PCDHA2: variants seen among roughly 807,000 people sequenced by gnomAD.
PCDHA2 encodes the protein protocadherin alpha 2, also known as protocadherin alpha-2.
PCDHA2 carries 58 observed loss-of-function variants against 66.0 expected under a neutral mutation model. The observed-to-expected ratio is 0.88, with a 90% CI of 0.71 to 1.09. The LOEUF (loss-of-function observed/expected upper bound fraction) is 1.09, where lower values mean the gene tolerates loss of function less well. Among genes scored for constraint, PCDHA2 ranks in the 50% least tolerant of loss-of-function variants. The pLI is 0.00. For synonymous variants in PCDHA2, 634 were observed against 554.0 expected (o/e 1.14, Z -2.03); for missense variants, 1,267 against 1,242.3 (o/e 1.02, Z -0.30).
intron 1 of PCDHA2, chr5:140,966,378 G>A: frequency 2.5e-6 from 1 of 405,124 alleles, no homozygotes; most frequent in African/African-American, 2.1e-5. Flanking sequence ...AGCAGTCCGG[G>A]TTCGCTGTCC....
intron 1 of PCDHA2, among the ~76,000 whole-genome samples, chr5:140,820,412 A>G: frequency 6.6e-6 from 1 of 152,030 alleles, no homozygotes. Flanking sequence ...TTTTAAATGT[A>G]AAAGTATCCA....
intron 1 of PCDHA2, chr5:140,928,375 T>C: frequency 6.2e-7 from 1 of 1,614,184 alleles, no homozygotes. Context: ...GCCATCAGCC[T>C]CTAGCTTGCT....
At chr5:140,890,890 T>C (rs2062844225) in intron 1 of PCDHA2, among the ~76,000 whole-genome samples, 1 of 152,192 alleles carries the variant, frequency 6.6e-6, no homozygotes, top group South Asian at 2.1e-4. Context: ...TCAGGGATTA[T>C]TGTCTTTCCA....
At chr5:140,860,585 A>G (rs782000527) in intron 1 of PCDHA2, 1 of 152,230 alleles carries the variant, frequency 6.6e-6, no homozygotes, top group African/African-American at 2.4e-5. Flanking sequence ...AAGGTATAGG[A>G]AAGGAGTTGG....
intron 1 of PCDHA2, chr5:140,843,091 G>C: frequency 6.3e-7 from 1 of 1,595,616 alleles, no homozygotes; most frequent in Non-Finnish European, 8.6e-7. Context: ...CGGGCCACGT[G>C]GTAGCGAAGG....
At chr5:140,982,617 G>T in intron 3 of PCDHA2, 54 bp downstream of exon 3, 1 of 1,591,926 alleles carries the variant, frequency 6.3e-7, no homozygotes, top group South Asian at 1.1e-5. Context: ...GTGATCAGAT[G>T]ACCTACTTTT....
intron 1 of PCDHA2, chr5:140,869,991 A>G (rs1554163685): frequency 1.9e-6 from 3 of 1,613,542 alleles, no homozygotes; most frequent in Non-Finnish European, 2.5e-6. Flanking sequence ...CACTAGATCA[A>G]AATAATGGAG....
chr5:140,807,100 A>T, intron 1 of PCDHA2: 1 of 1,409,032 alleles, frequency 7.1e-7, no homozygotes, highest in Non-Finnish European at 9.7e-7. Flanking sequence ...AATATGGAGG[A>T]TGCAGCTGCA....
intron 1 of PCDHA2, among the ~76,000 whole-genome samples, chr5:140,954,172 T>C (rs1297030972): frequency 6.6e-6 from 1 of 152,246 alleles, no homozygotes; most frequent in Non-Finnish European, 1.5e-5. Flanking sequence ...ATTTTCTTTA[T>C]CCAGTCTATC....
intron 1 of PCDHA2, among the ~76,000 whole-genome samples, chr5:140,977,937 T>C (rs1264352481): frequency 5.3e-5 from 8 of 152,162 alleles, no homozygotes; most frequent in African/African-American, 1.9e-4. Flanking sequence ...TATACCTCAA[T>C]ATTCAGTGAC....
intron 1 of PCDHA2, chr5:140,811,929 A>C (rs1399934470): frequency 2.6e-5 from 4 of 151,600 alleles, no homozygotes; most frequent in African/African-American, 9.7e-5. Context: ...GATTGCAAAA[A>C]TTTTCTCCCA....
chr5:140,850,957 C>T (rs2150503952), intron 1 of PCDHA2: 2 of 1,481,512 alleles, frequency 1.3e-6, no homozygotes, highest in Non-Finnish European at 9.0e-7. Context: ...CGATTACTCC[C>T]AGGGGCCGTT....
In PCDHA2 at chr5:140,836,093, G is replaced by T. The variant is rs1554135604; in HGVS notation, c.2388+38741G>T. ...CGCCGGCACTGCTGGCGCCTCGGGTGGGTGGCACTGGTGGCGCAGTGAGAG... is the reference window on the plus strand; with the variant it reads ...CGCCGGCACTGCTGGCGCCTCGGGTTGGTGGCACTGGTGGCGCAGTGAGAG... On this transcript the variant is annotated intron_variant, in intron 1 of 3. Coordinates refer to ENST00000526136, the MANE Select transcript of PCDHA2 (RefSeq NM_018905.3). 1.9e-6 allele frequency: 3 copies of T among 1,613,720 alleles called. No homozygotes were observed. The South Asian group carries it at 3.3e-5, about 18-fold the overall frequency.
chr5:140,836,306 C>T (rs2150257273), intron 1 of PCDHA2: 4 of 1,613,706 alleles, frequency 2.5e-6, no homozygotes, highest in Non-Finnish European at 3.4e-6. Flanking sequence ...ATGAGACGGA[C>T]GCACCGCGCC....
chr5:140,822,477 T>G (rs201571132), intron 1 of PCDHA2: 746 of 1,613,830 alleles, frequency 4.6e-4, no homozygotes, highest in Non-Finnish European at 6.1e-4. Flanking sequence ...TATTGGATGC[T>G]AATGATAACG....
chr5:140,825,376 AATATCTAAT>A (rs1315451832), intron 1 of PCDHA2: 2 of 146,378 alleles, frequency 1.4e-5, no homozygotes, highest in Non-Finnish European at 3.0e-5. Context: ...AAATATCTAA[AATATCTAAT>A]ATATATCTAA....
chr5:140,964,472 T>A (rs1160731930), intron 1 of PCDHA2, among the ~76,000 whole-genome samples: 1 of 152,074 alleles, frequency 6.6e-6, no homozygotes, highest in Non-Finnish European at 1.5e-5. Context: ...GTGCCTATGA[T>A]TTTTTCACAG....
At chr5:140,826,422 G>A (rs1768938309) in intron 1 of PCDHA2, among the ~76,000 whole-genome samples, 1 of 152,144 alleles carries the variant, frequency 6.6e-6, no homozygotes, top group Non-Finnish European at 1.5e-5. Flanking sequence ...TTTTAAGATA[G>A]AATTTCACAT....
intron 1 of PCDHA2, among the ~76,000 whole-genome samples, chr5:140,936,053 C>A (rs576745037): frequency 1.3e-5 from 2 of 151,934 alleles, no homozygotes; most frequent in African/African-American, 4.8e-5. Context: ...CCACCACACC[C>A]GGCTAATTTT....
Sources: allele counts gnomAD v4.1 joint callset (sites outside exome capture counted in the v4.1 genomes callset), GRCh38; gene constraint gnomAD v4.1.1; transcripts MANE v1.5; gene names NCBI Gene and HGNC (gene_info 2026-07-23, HGNC 2026-07-21).